RARB: variants seen among roughly 807,000 people sequenced by gnomAD.
RARB encodes HBV-activated protein.
Under a neutral mutation model 51.9 loss-of-function variants are expected in RARB, and 17 were observed. That is an observed-to-expected ratio of 0.33 (90% CI 0.22 to 0.49). The LOEUF (loss-of-function observed/expected upper bound fraction) is 0.49, where lower values mean the gene tolerates loss of function less well. Among genes scored for constraint, RARB ranks in the 20% least tolerant of loss-of-function variants. The pLI is 0.99. For synonymous variants in RARB, 215 were observed against 195.4 expected (o/e 1.10, Z -0.84); for missense variants, 369 against 550.8 (o/e 0.67, Z 3.30).
intron 3 of RARB, among the ~76,000 whole-genome samples, chr3:25,129,347 A>T (rs73049929): frequency 6.6e-6 from 1 of 152,208 alleles, no homozygotes; most frequent in Non-Finnish European, 1.5e-5. Context: ...TTACAATTAC[A>T]GTATGTCTTT....
intron 5 of RARB, among the ~76,000 whole-genome samples, chr3:25,220,628 T>C (rs1215544901): frequency 6.6e-6 from 1 of 152,232 alleles, no homozygotes; most frequent in Non-Finnish European, 1.5e-5. Flanking sequence ...TAGTTCCTTC[T>C]GCATTCATTC....
chr3:25,353,604 AC>A (rs1379644742), intron 5 of RARB, among the ~76,000 whole-genome samples: 1 of 145,720 alleles, frequency 6.9e-6, no homozygotes, highest in Non-Finnish European at 1.5e-5. Context: ...TTTTTGTCTT[AC>A]CCCAAAGTAG....
intron 5 of RARB, among the ~76,000 whole-genome samples, chr3:25,218,740 C>T (rs1701885700): frequency 6.6e-6 from 1 of 152,156 alleles, no homozygotes; most frequent in Non-Finnish European, 1.5e-5. Context: ...TTATGATAAT[C>T]CTGGGGAAAG....
chr3:25,006,594 T>C (rs542217568), intron 2 of RARB, among the ~76,000 whole-genome samples: 1 of 152,314 alleles, frequency 6.6e-6, no homozygotes, highest in Non-Finnish European at 1.5e-5. Context: ...ATACCTTGTT[T>C]CTATTTTTAA....
At position 24,860,626 on chromosome 3, in the gene RARB, G is replaced by GA. The variant is rs547281181; in HGVS notation, c.-380+1881dup. Among the ~76,000 whole-genome samples the GA allele has an allele frequency of 5.3e-4, 80 of 151,768 alleles. No homozygotes were observed. The East Asian group carries it at 0.012, about 22-fold the overall frequency. Reference sequence around the variant, plus strand: ...AATAATTTGAGGCATGCTGATTGAAGAAAAAAACCCTTTACAGAAGAGAGC... The same window carrying GA: ...AATAATTTGAGGCATGCTGATTGAAGAAAAAAAACCCTTTACAGAAGAGAGC... On this transcript the variant is annotated intron_variant, in intron 2 of 11. Transcript: ENST00000383772.
chr3:25,510,342 G>A (rs1475939837), intron 3 of RARB, among the ~76,000 whole-genome samples: 1 of 152,140 alleles, frequency 6.6e-6, no homozygotes, highest in Non-Finnish European at 1.5e-5. Context: ...TATAATTACA[G>A]GCCGGGCACA....
chr3:25,359,715 C>A (rs1010666334), intron 5 of RARB, among the ~76,000 whole-genome samples: 7 of 152,082 alleles, frequency 4.6e-5, no homozygotes, highest in Non-Finnish European at 1.0e-4. Context: ...TTTATTTCTG[C>A]CTCAATTTTG....
At chr3:24,916,767 CA>C (rs386396164) in intron 2 of RARB, among the ~76,000 whole-genome samples, 4,459 of 112,682 alleles carry the variant, frequency 0.04, 65 homozygotes, top group Non-Finnish European at 0.043. Context: ...GTTTGCTGTT[CA>C]AAAAAAAAAA....
chr3:25,212,097 A>C (rs1701712867), intron 5 of RARB, among the ~76,000 whole-genome samples: 1 of 152,184 alleles, frequency 6.6e-6, no homozygotes, highest in Non-Finnish European at 1.5e-5. Context: ...AATAAGTTGA[A>C]GTGACATTGT....
At chr3:25,089,540 G>A (rs189203881) in intron 3 of RARB, among the ~76,000 whole-genome samples, 3 of 152,056 alleles carry the variant, frequency 2.0e-5, no homozygotes, top group African/African-American at 4.8e-5. Flanking sequence ...TTTGATATCA[G>A]TTCACTGTAT....
At chr3:25,208,525 C>T (rs1701615799) in intron 5 of RARB, among the ~76,000 whole-genome samples, 1 of 152,084 alleles carries the variant, frequency 6.6e-6, no homozygotes, top group South Asian at 2.1e-4. Flanking sequence ...GCCCCAAAAT[C>T]TAGGATGTTG....
chr3:25,580,575 G>A lies in RARB; in HGVS notation c.639G>A (p.Leu213=). 1 of 1,605,354 alleles carries A rather than the reference G, an allele frequency of 6.2e-7. No individual in the cohort carries two copies. The highest frequency in any genetic ancestry group is 1.1e-5 in the South Asian group (1 of 90,292). ...TNSSADHRVR[L]DLGLWDKFSE... ...CCAGTGCTGACCATCGAGTCCGACTGGACCTGGGCCTCTGGGACAAATTCA... is the reference window on the plus strand; with the variant it reads ...CCAGTGCTGACCATCGAGTCCGACTAGACCTGGGCCTCTGGGACAAATTCA... Residue 213 remains leucine (L), a synonymous_variant, in exon 5 of 8, where the codon CTG becomes CTA. Coordinates refer to ENST00000330688, the MANE Select transcript of RARB (RefSeq NM_000965.5).
intron 2 of RARB, among the ~76,000 whole-genome samples, chr3:25,057,866 G>A (rs920794368): frequency 6.6e-6 from 1 of 151,878 alleles, no homozygotes; most frequent in South Asian, 2.1e-4. Flanking sequence ...TTCTAAAAGA[G>A]CTCTTACAGA....
chr3:25,263,228 A>G (rs187895821), intron 5 of RARB, among the ~76,000 whole-genome samples: 18 of 152,172 alleles, frequency 1.2e-4, no homozygotes, highest in Non-Finnish European at 2.6e-4. Context: ...TACATATTGT[A>G]TATCACTTAT....
chr3:24,928,527 T>A (rs116111357), intron 2 of RARB, among the ~76,000 whole-genome samples: 5,862 of 152,160 alleles, frequency 0.039, 227 homozygotes, highest in East Asian at 0.18. Flanking sequence ...TGATTGATTA[T>A]TCCTTTTTGT....
chr3:25,339,762 C>A (rs1225085561), intron 5 of RARB, among the ~76,000 whole-genome samples: 1 of 152,136 alleles, frequency 6.6e-6, no homozygotes, highest in Admixed American at 6.6e-5. Flanking sequence ...GGAGCCATAG[C>A]ATTGTACCTC....
intron 2 of RARB, among the ~76,000 whole-genome samples, chr3:24,877,940 C>G (rs977916938): frequency 6.6e-6 from 1 of 152,288 alleles, no homozygotes; most frequent in East Asian, 1.9e-4. Flanking sequence ...TTTCACAACA[C>G]AGACATGCAT....
intron 4 of RARB, among the ~76,000 whole-genome samples, chr3:25,133,394 A>G (rs1699982916): frequency 1.3e-5 from 2 of 151,926 alleles, no homozygotes; most frequent in South Asian, 4.1e-4. Context: ...TATGATATCC[A>G]CTCTGCAAGT....
chr3:25,215,387 A>G (rs1485763330), intron 5 of RARB, among the ~76,000 whole-genome samples: 1 of 152,224 alleles, frequency 6.6e-6, no homozygotes, highest in Admixed American at 6.5e-5. Context: ...GTGACACATT[A>G]GTGAAATGTT....
Sources: allele counts gnomAD v4.1 joint callset (sites outside exome capture counted in the v4.1 genomes callset), GRCh38; gene constraint gnomAD v4.1.1; transcripts MANE v1.5; gene names NCBI Gene and HGNC (gene_info 2026-07-23, HGNC 2026-07-21).